SLC7A14: variants seen among roughly 807,000 people sequenced by gnomAD.
The protein encoded by SLC7A14 is gamma-aminobutyric acid transporter SLC7A14.
A neutral mutation model predicts 60.2 loss-of-function variants in SLC7A14; 37 were observed. That is an observed-to-expected ratio of 0.61 (90% CI 0.47 to 0.81). The LOEUF (loss-of-function observed/expected upper bound fraction) is 0.81. SLC7A14 is among the 30% of genes least tolerant of loss of function. SLC7A14 has a pLI of 0.00. For missense variants in SLC7A14, 886 were observed against 982.7 expected (o/e 0.90, Z 1.32); for synonymous variants, 399 against 395.8 (o/e 1.01, Z -0.10).
chr3:170,576,172 T>C (rs1352873658), intron 1 of SLC7A14, among the ~76,000 whole-genome samples: 2 of 152,374 alleles, frequency 1.3e-5, no homozygotes, highest in East Asian at 3.9e-4. Flanking sequence ...CCTCATAATA[T>C]GTTATAGCAT....
intron 2 of SLC7A14, among the ~76,000 whole-genome samples, chr3:170,522,973 C>T (rs1331163467): frequency 1.3e-5 from 2 of 152,070 alleles, no homozygotes; most frequent in African/African-American, 2.4e-5. Flanking sequence ...ACATTTTCCA[C>T]GTATGTGAAA....
At chr3:170,578,334 C>T (rs1291879100) in intron 1 of SLC7A14, among the ~76,000 whole-genome samples, 1 of 152,208 alleles carries the variant, frequency 6.6e-6, no homozygotes, top group Non-Finnish European at 1.5e-5. Flanking sequence ...TGTAGATTCC[C>T]ACACACAGGA....
intron 1 of SLC7A14, among the ~76,000 whole-genome samples, chr3:170,529,024 T>C (rs979385683): frequency 1.1e-4 from 16 of 152,252 alleles, no homozygotes; most frequent in African/African-American, 3.6e-4. Context: ...TGAGAGATAG[T>C]GGACGCCAAA....
intron 1 of SLC7A14, among the ~76,000 whole-genome samples, chr3:170,561,552 A>G (rs1399072587): frequency 6.6e-6 from 1 of 152,226 alleles, no homozygotes; most frequent in Non-Finnish European, 1.5e-5. Flanking sequence ...TGAGGCTAGA[A>G]TATCTGCTCT....
chr3:170,533,918 T>C (rs1166109174), intron 1 of SLC7A14, among the ~76,000 whole-genome samples: 4 of 152,246 alleles, frequency 2.6e-5, no homozygotes, highest in African/African-American at 7.2e-5. Flanking sequence ...TTATATTGTA[T>C]GTGGAGTCTC....
intron 1 of SLC7A14, among the ~76,000 whole-genome samples, chr3:170,557,907 G>A (rs578243767): frequency 3.3e-5 from 5 of 152,094 alleles, no homozygotes; most frequent in Non-Finnish European, 7.4e-5. Flanking sequence ...TTATGACTCC[G>A]AATTAAAAGG....
intron 2 of SLC7A14, among the ~76,000 whole-genome samples, chr3:170,522,000 A>G (rs1713355371): frequency 6.6e-6 from 1 of 152,206 alleles, no homozygotes; most frequent in Admixed American, 6.5e-5. Context: ...GATGACAAAT[A>G]AACTCATAGA....
rs527424869 is a variant in SLC7A14, at chr3:170,497,866, C to A, written c.759+801G>T. Among the ~76,000 whole-genome samples the A allele has an allele frequency of 3.9e-5, 6 of 152,342 alleles. No individual in the cohort carries two copies. The South Asian group carries it at 1.2e-3, about 32-fold the overall frequency. ...CACTAGCCAGATCATGGAATGAGATCTGAAAACATCCTTTTGGTCCAGCCC... is the reference window on the plus strand; with the variant it reads ...CACTAGCCAGATCATGGAATGAGATATGAAAACATCCTTTTGGTCCAGCCC... On this transcript the variant is annotated intron_variant, in intron 4 of 7. Transcript: ENST00000231706.
In SLC7A14 at chr3:170,526,786, G is replaced by T; in HGVS notation, c.151C>A (p.Gln51Lys). ...TTTAHGTKLA[Q>K]VLTTVDLISL... The stretch of plus-strand genomic sequence containing the variant: ...ATGAGGTCCACTGTGGTGAGTACCT[G>T]GGCTAGCTTAGTTCCATGTGCCGTG... The change falls in exon 2 of 8, where the codon CAG (glutamine) becomes AAG (lysine). Residue 51 changes from glutamine to lysine, a missense_variant. By Grantham distance (53) the Gln-to-Lys change is moderately conservative (BLOSUM62 1). Transcript: ENST00000231706. 6.2e-7 allele frequency: 1 copy of T among 1,614,232 alleles called. No homozygotes were observed. The highest frequency in any genetic ancestry group is 8.5e-7 in the Non-Finnish European group (1 of 1,180,044).
At chr3:170,472,012 G>T (rs2108264384) in intron 7 of SLC7A14, among the ~76,000 whole-genome samples, 1 of 152,104 alleles carries the variant, frequency 6.6e-6, no homozygotes, top group South Asian at 2.1e-4. Context: ...TGAGTTGATG[G>T]GTCATGGTGG....
intron 1 of SLC7A14, among the ~76,000 whole-genome samples, chr3:170,529,579 G>A (rs1298401865): frequency 6.6e-6 from 1 of 152,172 alleles, no homozygotes; most frequent in Non-Finnish European, 1.5e-5. Flanking sequence ...TGGTGAAGAG[G>A]GAGGAGGCAA....
chr3:170,554,140 A>G (rs1032256016), intron 1 of SLC7A14, among the ~76,000 whole-genome samples: 3 of 152,230 alleles, frequency 2.0e-5, no homozygotes, highest in South Asian at 2.1e-4. Flanking sequence ...AAAAATGGGC[A>G]AGAGCAAGAA....
intron 1 of SLC7A14, among the ~76,000 whole-genome samples, chr3:170,557,906 C>T (rs945464895): frequency 5.3e-5 from 8 of 151,966 alleles, no homozygotes; most frequent in South Asian, 2.1e-4. Flanking sequence ...CTTATGACTC[C>T]GAATTAAAAG....
intron 1 of SLC7A14, among the ~76,000 whole-genome samples, chr3:170,574,205 G>A (rs771150256): frequency 3.3e-5 from 5 of 152,222 alleles, no homozygotes; most frequent in Middle Eastern, 3.4e-3. Context: ...GTCTTAAAAC[G>A]ATTCCTGAGA....
intron 1 of SLC7A14, among the ~76,000 whole-genome samples, chr3:170,574,130 G>A (rs944586620): frequency 4.6e-5 from 7 of 152,154 alleles, no homozygotes; most frequent in Admixed American, 1.3e-4. Context: ...TAGTTCTGGG[G>A]TTTCTTTCCT....
chr3:170,477,936 C>T (rs1301123580), intron 7 of SLC7A14, among the ~76,000 whole-genome samples: 4 of 152,122 alleles, frequency 2.6e-5, no homozygotes, highest in Non-Finnish European at 5.9e-5. Context: ...AATAATTTGA[C>T]AAATACATGA....
intron 5 of SLC7A14, among the ~76,000 whole-genome samples, chr3:170,484,203 A>C (rs1003301090): frequency 1.3e-5 from 2 of 152,220 alleles, no homozygotes; most frequent in African/African-American, 4.8e-5. Context: ...CTTAATCAGG[A>C]ATCATTTACT....
At chr3:170,573,775 C>G (rs1715012267) in intron 1 of SLC7A14, among the ~76,000 whole-genome samples, 3 of 152,194 alleles carry the variant, frequency 2.0e-5, no homozygotes, top group African/African-American at 7.2e-5. Flanking sequence ...GAAGAGTTCT[C>G]TTGTCTCTGT....
chr3:170,527,128 T>A, intron 1 of SLC7A14, 40 bp from the exon 2 acceptor site: 1 of 625,374 alleles, frequency 1.6e-6, no homozygotes, highest in Non-Finnish European at 2.8e-6. Context: ...TGAGACCGAG[T>A]GAGAAACAAA....
Sources: allele counts gnomAD v4.1 joint callset (sites outside exome capture counted in the v4.1 genomes callset), GRCh38; gene constraint gnomAD v4.1.1; transcripts MANE v1.5; gene names NCBI Gene and HGNC (gene_info 2026-07-23, HGNC 2026-07-21).